SCFD1: variants seen among roughly 807,000 people sequenced by gnomAD.
The protein encoded by SCFD1 is sec1 family domain containing 1.
A neutral mutation model predicts 103.2 loss-of-function variants in SCFD1; 37 were observed. That is an observed-to-expected ratio of 0.36 (90% CI 0.28 to 0.47). The LOEUF is 0.47. SCFD1 is among the 20% of genes least tolerant of loss of function. The probability of loss-of-function intolerance (pLI) is 1.00; values close to 1 mark genes in which losing one functional copy is unlikely to be tolerated. For synonymous variants in SCFD1, 264 were observed against 245.0 expected (o/e 1.08, Z -0.73); for missense variants, 639 against 761.2 (o/e 0.84, Z 1.89).
At chr14:30,668,303 G>A (rs368625219) in intron 10 of SCFD1, among the ~76,000 whole-genome samples, 2 of 152,000 alleles carry the variant, frequency 1.3e-5, no homozygotes, top group Admixed American at 1.3e-4. Flanking sequence ...TGGGGAATGG[G>A]TTCCCTATTT....
At chr14:30,703,968 A>G (rs774790668) in intron 17 of SCFD1, among the ~76,000 whole-genome samples, 6 of 80,332 alleles carry the variant, frequency 7.5e-5, no homozygotes, top group African/African-American at 2.2e-4. Flanking sequence ...TATATAAATA[A>G]TGAGATATCT....
intron 23 of SCFD1, 197 bp downstream of exon 23, chr14:30,722,756 A>C (rs1240759362): frequency 2.7e-6 from 1 of 373,444 alleles, no homozygotes; most frequent in South Asian, 1.0e-4. Flanking sequence ...ATTGTACTTA[A>C]TCTAGAAAAC....
At chr14:30,628,949 A>G (rs1044178683) in intron 2 of SCFD1, among the ~76,000 whole-genome samples, 3 of 152,210 alleles carry the variant, frequency 2.0e-5, no homozygotes, top group African/African-American at 4.8e-5. Context: ...TTGAGTCTTT[A>G]TAAGTCCTTT....
intron 10 of SCFD1, among the ~76,000 whole-genome samples, chr14:30,661,261 G>A (rs550449261): frequency 6.6e-6 from 1 of 152,142 alleles, no homozygotes; most frequent in Non-Finnish European, 1.5e-5. Flanking sequence ...TGCTCTACTC[G>A]AGTTTCGTTT....
In SCFD1 at chr14:30,643,184, T is replaced by C. The variant is rs571435093; in HGVS notation, c.524-132T>C. The C allele has an allele frequency of 1.6e-5, 11 of 704,290 alleles. No homozygotes were observed. The Admixed American group carries it at 2.0e-4, about 13-fold the overall frequency. The allele number at this position is 704,290 out of a possible 1,614,324, so 43.6% of individuals were successfully genotyped here. ...CAAGATCCTGTCTGAAAAAAAAAAA[T>C]TTAAACCAAAAAATTTCACTTGCTG... On this transcript the variant is annotated intron_variant, in intron 6 of 24. Transcript: ENST00000458591.
At chr14:30,664,262 G>A (rs1017790618) in intron 10 of SCFD1, among the ~76,000 whole-genome samples, 23 of 152,100 alleles carry the variant, frequency 1.5e-4, no homozygotes, top group Admixed American at 1.2e-3. Context: ...GGCAAACAGG[G>A]TCTGGAGTGG....
At chr14:30,671,317 G>A (rs1888520569) in intron 11 of SCFD1, among the ~76,000 whole-genome samples, 1 of 151,722 alleles carries the variant, frequency 6.6e-6, no homozygotes. Context: ...GCAGTTTTAG[G>A]TACTATTTTA....
intron 14 of SCFD1, among the ~76,000 whole-genome samples, chr14:30,691,090 G>A (rs968360769): frequency 6.6e-6 from 1 of 152,164 alleles, no homozygotes; most frequent in African/African-American, 2.4e-5. Context: ...TCGTTCTTGA[G>A]GGTAGTGTAA....
intron 19 of SCFD1, chr14:30,715,257 A>G (rs908380069): frequency 6.6e-6 from 1 of 152,226 alleles, no homozygotes; most frequent in Admixed American, 6.5e-5. Flanking sequence ...GAGAACTTTT[A>G]TAATCCACAG....
chr14:30,663,126 C>A (rs1241642677), intron 10 of SCFD1, among the ~76,000 whole-genome samples: 1 of 152,118 alleles, frequency 6.6e-6, no homozygotes, highest in Non-Finnish European at 1.5e-5. Flanking sequence ...TAAATTACTT[C>A]TCAGAATTCT....
chr14:30,699,071 A>G (rs1287483679), intron 15 of SCFD1, among the ~76,000 whole-genome samples: 1 of 152,190 alleles, frequency 6.6e-6, no homozygotes, highest in Non-Finnish European at 1.5e-5. Flanking sequence ...ACCTGTTAAA[A>G]CAAAAATATC....
At chr14:30,706,618 G>A (rs895971577) in intron 18 of SCFD1, among the ~76,000 whole-genome samples, 1 of 152,152 alleles carries the variant, frequency 6.6e-6, no homozygotes, top group Non-Finnish European at 1.5e-5. Context: ...TAAATGATAG[G>A]AAGTCCTCAG....
chr14:30,622,806 A>G (rs1882988859), intron 1 of SCFD1, among the ~76,000 whole-genome samples: 1 of 152,096 alleles, frequency 6.6e-6, no homozygotes, highest in Non-Finnish European at 1.5e-5. Flanking sequence ...GAATTTAGGT[A>G]TTTTCACAGC....
At chr14:30,712,819 AT>A (rs1411051905) in intron 19 of SCFD1, among the ~76,000 whole-genome samples, 1 of 152,180 alleles carries the variant, frequency 6.6e-6, no homozygotes, top group Non-Finnish European at 1.5e-5. Context: ...AATGTTTTCC[AT>A]TTTATTTCTA....
chr14:30,627,879 T>TA (rs1314000620), intron 1 of SCFD1, among the ~76,000 whole-genome samples: 1 of 149,512 alleles, frequency 6.7e-6, no homozygotes, highest in Non-Finnish European at 1.5e-5. Flanking sequence ...AAAAAAGACT[T>TA]ACCTTAATCT....
At chr14:30,708,134 G>A (rs1891601876) in intron 19 of SCFD1, 69 bp downstream of exon 19, 7 of 933,624 alleles carry the variant, frequency 7.5e-6, no homozygotes, top group Non-Finnish European at 1.2e-5. Context: ...AACTGCTCAG[G>A]TAAAGCAACT....
intron 6 of SCFD1, among the ~76,000 whole-genome samples, chr14:30,640,841 C>A (rs186111164): frequency 6.6e-6 from 1 of 152,120 alleles, no homozygotes; most frequent in East Asian, 1.9e-4. Flanking sequence ...AGTTTAATTA[C>A]ATTTTTATAC....
intron 5 of SCFD1, among the ~76,000 whole-genome samples, chr14:30,638,724 C>A (rs977815018): frequency 6.6e-6 from 1 of 152,080 alleles, no homozygotes; most frequent in African/African-American, 2.4e-5. Context: ...GAAAAAGAAC[C>A]CATGACAGGC....
intron 3 of SCFD1, among the ~76,000 whole-genome samples, chr14:30,632,395 TG>T (rs1475201262): frequency 6.6e-6 from 1 of 152,184 alleles, no homozygotes; most frequent in Admixed American, 6.5e-5. Context: ...ATCTTATCAC[TG>T]ATGATATGTC....
Sources: gnomAD v4.1 joint callset for allele counts (sites outside exome capture counted in the v4.1 genomes callset) on GRCh38, gnomAD v4.1.1 for gene constraint, MANE v1.5 for transcripts, NCBI Gene and HGNC (gene_info 2026-07-23, HGNC 2026-07-21) for gene names.